Variants in CRISP2 observed in about 807,000 individuals in gnomAD.
CRISP2 encodes cysteine-rich secretory protein 2.
A neutral mutation model predicts 31.7 loss-of-function variants in CRISP2; 29 were observed. The ratio of observed to expected loss-of-function variants is 0.92; its 90% CI spans 0.68 to 1.25. The LOEUF (loss-of-function observed/expected upper bound fraction) is 1.25. CRISP2 is among the 50% of genes most tolerant of loss of function. The pLI is 0.00. For missense variants in CRISP2, 318 were observed against 286.5 expected, an observed-to-expected ratio of 1.11 and a Z score of -0.79; for synonymous variants, 111 against 101.4, an observed-to-expected ratio of 1.09 and a Z score of -0.57.
chr6:49,682,256 C>T, the CRISP2 span, among the ~76,000 whole-genome samples: 3 of 152,054 alleles, frequency 2.0e-5, no homozygotes, highest in Admixed American at 6.6e-5. Context: ...GGTATTGTGG[C>T]TTTAGGTGCC....
At chr6:49,693,641 A>C (rs2127383742) in intron 9 of CRISP2, among the ~76,000 whole-genome samples, 1 of 152,304 alleles carries the variant, frequency 6.6e-6, no homozygotes, top group South Asian at 2.1e-4. Flanking sequence ...GAAATGAAGA[A>C]AGTTCATTCT....
chr6:49,703,883 T>G (rs140864149), intron 4 of CRISP2, among the ~76,000 whole-genome samples: 64 of 152,314 alleles, frequency 4.2e-4, no homozygotes, highest in Non-Finnish European at 6.9e-4. Flanking sequence ...GAGCTTCTTT[T>G]ATTTGAATGT....
Position 49,692,918 on chromosome 6 carries a change from T to C in CRISP2, c.605-18A>G, listed in dbSNP as rs1764157797. On this transcript the variant is annotated intron_variant, in intron 9 of 9. Transcript: ENST00000339139. ...ACTATTGGCTGTAACAAAAACAGAT[T>C]AGTTAACTCATTATCGTTTTCCTCA... The C allele has an allele frequency of 6.2e-7, 1 of 1,611,540 alleles. No individual in the cohort carries two copies. The highest frequency in any genetic ancestry group is 2.2e-5 in the East Asian group (1 of 44,786).
chr6:49,698,183 T>C (rs1300838803), intron 7 of CRISP2, among the ~76,000 whole-genome samples, 179 bp downstream of exon 7: 1 of 152,166 alleles, frequency 6.6e-6, no homozygotes, highest in African/African-American at 2.4e-5. Flanking sequence ...TCTGCTTTCC[T>C]ACTAAGAGTT....
At chr6:49,691,626 T>C (rs1329325384), downstream of CRISP2, among the ~76,000 whole-genome samples, 2 of 152,090 alleles carry the variant, frequency 1.3e-5, no homozygotes, top group Non-Finnish European at 2.9e-5. Flanking sequence ...GTCTTTAGTT[T>C]TAGTACTAAG....
At chr6:49,681,825 G>A in the CRISP2 span, among the ~76,000 whole-genome samples, 1 of 151,944 alleles carries the variant, frequency 6.6e-6, no homozygotes, top group East Asian at 1.9e-4. Context: ...ACCATGCCCA[G>A]CTTCAAGATT....
rs896572130 is a variant in CRISP2, at chr6:49,712,495, A to C, written c.-47+6T>G. On this transcript the variant is annotated splice_donor_region_variant and intron_variant, in intron 2 of 9. Coordinates refer to ENST00000339139, the MANE Select transcript of CRISP2 (RefSeq NM_003296.4). ...TTGGCTACCATTTTTTTTCTTTGCT[A>C]CTTACTAATGGTGAAGTACTGTGCT... 4 of 151,720 alleles carry C rather than the reference A, an allele frequency of 2.6e-5. No homozygotes were observed. Among genetic ancestry groups the C allele is most frequent in the Admixed American group, 6.6e-5 (1 of 15,246 alleles). 9.4% of individuals were successfully genotyped at this position (151,720 alleles called of 1,614,324 possible). A position where few individuals can be genotyped will look rare whatever the true frequency, so the allele number is the denominator to read the frequency against.
chr6:49,677,069 T>C, the CRISP2 span, among the ~76,000 whole-genome samples: 14 of 152,168 alleles, frequency 9.2e-5, no homozygotes, highest in African/African-American at 3.1e-4. Context: ...AAGGGCAAGC[T>C]GGCTTAATGA....
the CRISP2 span, among the ~76,000 whole-genome samples, chr6:49,681,769 C>A: frequency 2.6e-5 from 4 of 152,030 alleles, no homozygotes; most frequent in African/African-American, 9.7e-5. Flanking sequence ...TTCAAGCAAT[C>A]CTCCTATCTC....
the CRISP2 span, among the ~76,000 whole-genome samples, chr6:49,680,463 A>G: frequency 3.9e-5 from 6 of 152,260 alleles, 1 homozygote; most frequent in African/African-American, 1.4e-4. Context: ...CAATTAACAT[A>G]TATGTGCACG....
downstream of CRISP2, among the ~76,000 whole-genome samples, chr6:49,690,022 A>G (rs1461102804): frequency 6.6e-6 from 1 of 152,194 alleles, no homozygotes; most frequent in Non-Finnish European, 1.5e-5. Context: ...AATATCAGTC[A>G]GCAATTTAAA....
intron 9 of CRISP2, 142 bp downstream of exon 9, chr6:49,695,694 G>A (rs1052472260): frequency 3.2e-6 from 2 of 620,244 alleles, no homozygotes; most frequent in Admixed American, 3.2e-5. Context: ...GTTTGTTTAA[G>A]CATACTTTGT....
chr6:49,684,325 T>C, the CRISP2 span, among the ~76,000 whole-genome samples: 2 of 152,330 alleles, frequency 1.3e-5, no homozygotes, highest in East Asian at 1.9e-4. Context: ...TTAAATCCTA[T>C]ACAAACAATT....
chr6:49,696,508 A>G (rs1764777221), intron 8 of CRISP2, among the ~76,000 whole-genome samples: 1 of 151,206 alleles, frequency 6.6e-6, no homozygotes, highest in Non-Finnish European at 1.5e-5. Context: ...AAGGTTTGTG[A>G]GCTTCTAGAG....
intron 6 of CRISP2, among the ~76,000 whole-genome samples, chr6:49,699,285 G>A (rs1370465819): frequency 4.6e-5 from 7 of 151,794 alleles, no homozygotes; most frequent in Non-Finnish European, 7.4e-5. Context: ...TTTTGAATAC[G>A]ATAAATTTAA....
At chr6:49,702,312 C>G (rs1244585924) in intron 4 of CRISP2, among the ~76,000 whole-genome samples, 1 of 150,312 alleles carries the variant, frequency 6.7e-6, no homozygotes. Context: ...TTCTTTTCCT[C>G]TGAGTAGATA....
the CRISP2 span, among the ~76,000 whole-genome samples, chr6:49,682,174 CT>C: frequency 6.6e-6 from 1 of 152,092 alleles, no homozygotes; most frequent in East Asian, 1.9e-4. Context: ...GACCTTTGCT[CT>C]TATTTTCACA....
At chr6:49,691,227 C>A (rs1279056662), downstream of CRISP2, among the ~76,000 whole-genome samples, 1 of 152,050 alleles carries the variant, frequency 6.6e-6, no homozygotes, top group African/African-American at 2.4e-5. Flanking sequence ...TTCTCTCTCA[C>A]ATTGTCACAC....
chr6:49,683,688 A>C, the CRISP2 span, among the ~76,000 whole-genome samples: 1 of 17,322 alleles, frequency 5.8e-5, no homozygotes, highest in Non-Finnish European at 1.2e-4. Flanking sequence ...AAAAAAAAAA[A>C]AAAAAAATAT....
Sources: allele counts gnomAD v4.1 joint callset (sites outside exome capture counted in the v4.1 genomes callset), GRCh38; gene constraint gnomAD v4.1.1; transcripts MANE v1.5; gene names NCBI Gene and HGNC (gene_info 2026-07-23, HGNC 2026-07-21).